The following NPTXR variants were observed in gnomAD, a reference collection of about 807,000 sequenced individuals.
NPTXR encodes neuronal pentraxin receptor.
NPTXR carries 12 observed loss-of-function variants against 32.2 expected under a neutral mutation model. The observed-to-expected ratio is 0.37, with a 90% CI of 0.24 to 0.60. NPTXR has a LOEUF of 0.60. Ranked by LOEUF, NPTXR falls within the 20% of genes least tolerant of loss-of-function variation. The pLI is 0.66. For synonymous variants in NPTXR, 323 were observed against 315.8 expected, an observed-to-expected ratio of 1.02 and a Z score of -0.24; for missense variants, 612 against 682.9, an observed-to-expected ratio of 0.90 and a Z score of 1.16.
Position 38,843,476 on chromosome 22 carries a change from C to A in NPTXR, c.383G>T (p.Ser128Ile). The A allele has an allele frequency of 1.5e-6, 2 of 1,332,762 alleles. No homozygotes were observed. Among genetic ancestry groups the A allele is most frequent in the Non-Finnish European group, 1.9e-6 (2 of 1,045,910 alleles). The allele number at this position is 1,332,762 out of a possible 1,614,324, so 82.6% of individuals were successfully genotyped here. Residue 128 changes from serine to isoleucine, a missense_variant, in exon 1 of 5, where the codon AGC becomes ATC. Transcript: ENST00000333039. The surrounding 1 kb of genome is among the most constrained non-coding windows in gnomAD (Gnocchi z 5.3). Reference sequence around the variant, plus strand: ...CGTCTGGCGCAGCTGCTCGGCCGTGCTCTGCAGCAGCAGCAGCTCTTCGCG... The same window carrying A: ...CGTCTGGCGCAGCTGCTCGGCCGTGATCTGCAGCAGCAGCAGCTCTTCGCG...
intron 1 of NPTXR, among the ~76,000 whole-genome samples, chr22:38,833,655 ATT>A (rs5845398): frequency 1.4e-4 from 20 of 137,986 alleles, no homozygotes; most frequent in East Asian, 2.1e-4. Context: ...GTGACTAACA[ATT>A]TTTTTTTTTT....
rs73417489 is a variant in NPTXR, at chr22:38,835,692, C to T, written c.625-7180G>A. On this transcript the variant is annotated intron_variant, in intron 1 of 4. Coordinates refer to ENST00000333039, the MANE Select transcript of NPTXR (RefSeq NM_014293.4). ...CACACACCTTCCGGGCCCCCAAAAT[C>T]CTCAGCAGATGGAGGTCCCCCACCC... is the stretch of plus-strand genomic sequence containing the variant. Among the ~76,000 whole-genome samples the T allele has an allele frequency of 3.1e-3, 466 of 152,310 alleles. 3 individuals are homozygous for T. Among genetic ancestry groups the T allele is most frequent in the African/African-American group, 0.011 (447 of 41,578 alleles).
At chr22:38,833,658 T>TTTC (rs2093119719) in intron 1 of NPTXR, among the ~76,000 whole-genome samples, 1 of 151,228 alleles carries the variant, frequency 6.6e-6, no homozygotes, top group Admixed American at 6.6e-5. Flanking sequence ...ACTAACAATT[T>TTTC]TTTTTTTTTT....
At chr22:38,825,105 G>A (rs573435712) in intron 3 of NPTXR, among the ~76,000 whole-genome samples, 1 of 152,180 alleles carries the variant, frequency 6.6e-6, no homozygotes, top group Non-Finnish European at 1.5e-5. Context: ...GTGATGAGAT[G>A]CTCCCCTTCC....
intron 3 of NPTXR, among the ~76,000 whole-genome samples, chr22:38,825,838 CTCTT>C (rs1161749838): frequency 2.2e-5 from 2 of 92,554 alleles, no homozygotes; most frequent in South Asian, 3.3e-4. Flanking sequence ...TTCTCTCTCT[CTCTT>C]TTTTTTTTTT....
At chr22:38,827,260 CTTTT>C (rs66921740) in intron 2 of NPTXR, among the ~76,000 whole-genome samples, 3 of 97,630 alleles carry the variant, frequency 3.1e-5, no homozygotes, top group Non-Finnish European at 4.2e-5. Context: ...TTTTTTCTTT[CTTTT>C]TTTTTTTTTT....
intron 3 of NPTXR, among the ~76,000 whole-genome samples, chr22:38,824,582 AG>A (rs915758745): frequency 5.7e-4 from 87 of 152,216 alleles, no homozygotes; most frequent in African/African-American, 2.0e-3. Flanking sequence ...TGGGCACAGA[AG>A]GAGTAAAGGC....
chr22:38,836,639 G>A (rs1291072422), intron 1 of NPTXR, among the ~76,000 whole-genome samples: 2 of 152,186 alleles, frequency 1.3e-5, no homozygotes, highest in African/African-American at 4.8e-5. Context: ...TTCTGGGGGT[G>A]CTGGAAGTGT....
intron 1 of NPTXR, among the ~76,000 whole-genome samples, chr22:38,833,522 C>A (rs2093119476): frequency 6.6e-6 from 1 of 152,204 alleles, no homozygotes; most frequent in Non-Finnish European, 1.5e-5. Context: ...TCCCCATTGG[C>A]CCCAAAGGGT....
At position 38,843,015 on chromosome 22, in the gene NPTXR, T is replaced by A. The variant is rs1568988234; in HGVS notation, c.624+220A>T. Among the ~76,000 whole-genome samples the A allele has an allele frequency of 6.6e-6, 1 of 151,862 alleles. No homozygotes were observed. Among genetic ancestry groups the A allele is most frequent in the Non-Finnish European group, 1.5e-5 (1 of 67,940 alleles). ...AGAGGTGCCTGGAGACGGAAAAGGG[T>A]GGGGAGCGAATCTTTCTGGCGCGCC... On this transcript the variant is annotated intron_variant, in intron 1 of 4. Transcript: ENST00000333039. The surrounding 1 kb of genome is among the most constrained non-coding windows in gnomAD (Gnocchi z 5.3).
Position 38,834,884 on chromosome 22 carries a change from T to C in NPTXR, c.625-6372A>G, listed in dbSNP as rs1485968746. ...GTCAACCATAAGAGGCAGTACGTGG[T>C]TGTCACATTACTATTATTCTTTGCT... On this transcript the variant is annotated intron_variant, in intron 1 of 4. Coordinates refer to ENST00000333039, the MANE Select transcript of NPTXR (RefSeq NM_014293.4). The surrounding 1 kb of genome is among the most constrained non-coding windows in gnomAD (Gnocchi z 4.4). 2.6e-5 allele frequency among the ~76,000 whole-genome samples: 4 copies of C among 152,200 alleles called. No homozygotes were observed. The highest frequency in any genetic ancestry group is 4.1e-4 in the South Asian group (2 of 4,836).
intron 1 of NPTXR, among the ~76,000 whole-genome samples, chr22:38,842,805 C>A (rs553760674): frequency 6.6e-6 from 1 of 152,294 alleles, no homozygotes; most frequent in African/African-American, 2.4e-5. Context: ...GCATCCATCT[C>A]CTGGCCATAA....
intron 1 of NPTXR, among the ~76,000 whole-genome samples, chr22:38,842,824 C>T (rs1403244350): frequency 6.6e-6 from 1 of 152,128 alleles, no homozygotes; most frequent in South Asian, 2.1e-4. Context: ...AAAGTGTGAG[C>T]GTGGAGCTGG....
chr22:38,826,883 G>A (rs1173554025), intron 2 of NPTXR, 136 bp from the exon 3 acceptor site: 2 of 980,404 alleles, frequency 2.0e-6, no homozygotes, highest in Non-Finnish European at 1.5e-6. Context: ...GGCTCTCTCT[G>A]CTCCACCTCT....
At chr22:38,839,982 CA>C in intron 1 of NPTXR, among the ~76,000 whole-genome samples, 1 of 152,308 alleles carries the variant, frequency 6.6e-6, no homozygotes, top group South Asian at 2.1e-4. Context: ...GAAAATGACG[CA>C]ATTGAATGCA....
rs1424775194 is a variant in NPTXR, at chr22:38,820,768, C to G, written c.*1841G>C. On this transcript the variant is annotated 3_prime_UTR_variant, in exon 5 of 5. Coordinates refer to ENST00000333039, the MANE Select transcript of NPTXR (RefSeq NM_014293.4). The stretch of plus-strand genomic sequence containing the variant: ...AAGAGGGAGTCAGATGCCCTGAGCT[C>G]TAGTCCTGGCTCTGCCCCATGCTCT... The G allele has an allele frequency of 6.6e-6, 1 of 152,428 alleles. No individual in the cohort carries two copies. Among genetic ancestry groups the G allele is most frequent in the African/African-American group, 2.4e-5 (1 of 41,442 alleles). 9.4% of individuals were successfully genotyped at this position (152,428 alleles called of 1,614,324 possible). A position where few individuals can be genotyped will look rare whatever the true frequency, so the allele number is the denominator to read the frequency against.
intron 2 of NPTXR, 112 bp from the exon 3 acceptor site, chr22:38,826,859 C>T (rs1462521158): frequency 2.2e-5 from 28 of 1,254,614 alleles, no homozygotes; most frequent in Middle Eastern, 4.4e-4. Context: ...CTGCTGCATG[C>T]CCAGTGCCTT....
At chr22:38,830,032 A>T (rs1284750088) in intron 1 of NPTXR, among the ~76,000 whole-genome samples, 1 of 152,170 alleles carries the variant, frequency 6.6e-6, no homozygotes, top group Non-Finnish European at 1.5e-5. Flanking sequence ...TTTTCTAGCC[A>T]TGGGACAAGG....
rs1459182587 is a variant in NPTXR at position 38,823,120 on chromosome 22, A to G, written c.1241T>C (p.Ile414Thr). Residue 414 changes from isoleucine to threonine, a missense_variant, in exon 4 of 5, where the codon ATC (isoleucine) becomes ACC (threonine). Transcript: ENST00000333039. The stretch of plus-strand genomic sequence containing the variant: ...CAAGATAAGGATCCCATGAGGCTTG[A>G]TGGGGTGCCAGGCAGCCAGGTTCTC... 1 of 1,614,154 alleles carries G rather than the reference A, an allele frequency of 6.2e-7. No homozygotes were observed. Among genetic ancestry groups the G allele is most frequent in the Admixed American group, 1.7e-5 (1 of 60,024 alleles).
Sources: gnomAD v4.1 joint callset for allele counts (sites outside exome capture counted in the v4.1 genomes callset) on GRCh38, gnomAD v4.1.1 for gene constraint, Gnocchi (gnomAD v3.1) non-coding constraint, MANE v1.5 for transcripts, NCBI Gene and HGNC (gene_info 2026-07-23, HGNC 2026-07-21) for gene names.